MACROD2: variants seen among roughly 807,000 people sequenced by gnomAD.
MACROD2 encodes ADP-ribose glycohydrolase MACROD2.
Under a neutral mutation model 70.4 loss-of-function variants are expected in MACROD2, and 36 were observed. The observed-to-expected ratio is 0.51, with a 90% CI of 0.39 to 0.68. MACROD2 has a LOEUF of 0.68. MACROD2 is among the 30% of genes least tolerant of loss of function. The pLI, the probability that MACROD2 is intolerant of heterozygous loss-of-function variation, is 0.00. For synonymous variants in MACROD2, 172 were observed against 178.8 expected, an observed-to-expected ratio of 0.96 and a Z score of 0.30; for missense variants, 496 against 538.4, an observed-to-expected ratio of 0.92 and a Z score of 0.78.
chr20:15,719,529 C>G (rs1265061217), intron 8 of MACROD2, among the ~76,000 whole-genome samples: 4 of 152,132 alleles, frequency 2.6e-5, no homozygotes, highest in African/African-American at 9.7e-5. Flanking sequence ...CAGAAATGAC[C>G]AATTTTAACT....
intron 8 of MACROD2, among the ~76,000 whole-genome samples, chr20:15,791,897 A>C (rs558561624): frequency 3.9e-5 from 6 of 152,162 alleles, no homozygotes; most frequent in African/African-American, 1.4e-4. Context: ...ACTCCATCCA[A>C]ATTTATTTTT....
chr20:14,583,614 T>C (rs1417841278), intron 4 of MACROD2, among the ~76,000 whole-genome samples: 1 of 152,102 alleles, frequency 6.6e-6, no homozygotes, highest in Non-Finnish European at 1.5e-5. Context: ...CGATGTTAGG[T>C]CAGTAATGTA....
chr20:14,473,389 G>C (rs185927722), intron 3 of MACROD2, among the ~76,000 whole-genome samples: 3 of 152,174 alleles, frequency 2.0e-5, no homozygotes, highest in African/African-American at 7.2e-5. Context: ...TCACATATAC[G>C]TGAGGTCATG....
At chr20:15,008,042 AT>A (rs1423184343) in intron 5 of MACROD2, among the ~76,000 whole-genome samples, 2 of 152,252 alleles carry the variant, frequency 1.3e-5, no homozygotes, top group Non-Finnish European at 2.9e-5. Flanking sequence ...CAAACTCCCT[AT>A]CAAATTCCCC....
chr20:14,478,367 A>C (rs566716063), intron 3 of MACROD2, among the ~76,000 whole-genome samples: 2 of 152,104 alleles, frequency 1.3e-5, no homozygotes, highest in Non-Finnish European at 2.9e-5. Context: ...CTGCTGAGGT[A>C]ATTCTTGAAG....
At chr20:15,222,195 A>G (rs1309116996) in intron 5 of MACROD2, among the ~76,000 whole-genome samples, 1 of 152,228 alleles carries the variant, frequency 6.6e-6, no homozygotes, top group African/African-American at 2.4e-5. Flanking sequence ...AGCTGAAGAA[A>G]TGTATGAGAG....
chr20:14,336,186 C>A (rs948807342), intron 3 of MACROD2, among the ~76,000 whole-genome samples: 1 of 151,872 alleles, frequency 6.6e-6, no homozygotes, highest in Admixed American at 6.6e-5. Flanking sequence ...TTTCTAGTGG[C>A]TTTATTTATG....
chr20:15,668,854 T>G (rs1208880070), intron 8 of MACROD2, among the ~76,000 whole-genome samples: 1 of 152,198 alleles, frequency 6.6e-6, no homozygotes, highest in Non-Finnish European at 1.5e-5. Flanking sequence ...AAATGGTGAT[T>G]CTCTAATTCT....
At chr20:15,102,071 T>C (rs1158542949) in intron 5 of MACROD2, among the ~76,000 whole-genome samples, 2 of 151,974 alleles carry the variant, frequency 1.3e-5, no homozygotes, top group African/African-American at 2.4e-5. Flanking sequence ...AGGCAGAAGA[T>C]ATTTGCAATG....
At chr20:15,285,898 A>G (rs892120319) in intron 6 of MACROD2, among the ~76,000 whole-genome samples, 4 of 151,986 alleles carry the variant, frequency 2.6e-5, no homozygotes, top group African/African-American at 9.7e-5. Context: ...GGGGGGTTGC[A>G]TTTATTCATA....
At position 15,788,790 on chromosome 20, in the gene MACROD2, C is replaced by T. The variant is rs185875447; in HGVS notation, c.646-73955C>T. The stretch of plus-strand genomic sequence containing the variant: ...ACATTAGCTGTTTAAGTTAAAATGA[C>T]AGACCTATAATAAGTAAAGATATTA... On this transcript the variant is annotated intron_variant, in intron 8 of 17. Coordinates refer to ENST00000684519, the MANE Select transcript of MACROD2 (RefSeq NM_001351661.2). Among the ~76,000 whole-genome samples the T allele has an allele frequency of 2.6e-5, 4 of 152,262 alleles. No individual in the cohort carries two copies. In the East Asian group the frequency reaches 7.7e-4, roughly 29 times the overall value.
chr20:15,670,906 G>A (rs1320405428), intron 8 of MACROD2, among the ~76,000 whole-genome samples: 1 of 152,208 alleles, frequency 6.6e-6, no homozygotes, highest in Non-Finnish European at 1.5e-5. Flanking sequence ...TTGGCTATTA[G>A]TTTTATCACT....
At chr20:15,625,283 G>T (rs2049185999) in intron 8 of MACROD2, among the ~76,000 whole-genome samples, 1 of 152,180 alleles carries the variant, frequency 6.6e-6, no homozygotes, top group East Asian at 1.9e-4. Flanking sequence ...GTAGCTAAGG[G>T]ATTCACAGGT....
intron 4 of MACROD2, among the ~76,000 whole-genome samples, chr20:14,574,032 T>C (rs1980398085): frequency 6.6e-6 from 1 of 152,170 alleles, no homozygotes; most frequent in Non-Finnish European, 1.5e-5. Context: ...CACGTGGAGC[T>C]GATCTTCCAA....
rs141031362 is a variant in MACROD2 at position 14,889,558 on chromosome 20, T to A, written c.418+204599T>A. On this transcript the variant is annotated intron_variant, in intron 5 of 17. Transcript: ENST00000684519. ...GATAAAGGAATGAAACAAGCAGATA[T>A]GCTGGGGAAAGATCCTATCCGGCAT... 6.2e-3 allele frequency among the ~76,000 whole-genome samples: 941 copies of A among 152,132 alleles called. 13 individuals are homozygous for A. The highest frequency in any genetic ancestry group is 0.022 in the African/African-American group (907 of 41,514).
At chr20:14,517,619 TGG>T (rs1330836721) in intron 4 of MACROD2, among the ~76,000 whole-genome samples, 1 of 152,130 alleles carries the variant, frequency 6.6e-6, no homozygotes, top group African/African-American at 2.4e-5. Context: ...CAAACCACCA[TGG>T]CATGTGTATA....
intron 15 of MACROD2, among the ~76,000 whole-genome samples, chr20:16,008,245 TA>T (rs1298068384): frequency 1.3e-5 from 2 of 152,224 alleles, no homozygotes. Flanking sequence ...GTTAGTCGTT[TA>T]TCTCGCCTAT....
rs375024846 is a variant in MACROD2, at chr20:15,846,370, G to A, written c.646-16375G>A. On this transcript the variant is annotated intron_variant, in intron 8 of 17. Coordinates refer to ENST00000684519, the MANE Select transcript of MACROD2 (RefSeq NM_001351661.2). ...GGGATGTCACAGACTTTCATTAGTT[G>A]CTTTAATTAGTTCTTTTCAATTGAT... 9.2e-5 allele frequency among the ~76,000 whole-genome samples: 14 copies of A among 152,248 alleles called. No individual in the cohort carries two copies. The East Asian group carries it at 2.7e-3, about 29-fold the overall frequency.
intron 6 of MACROD2, among the ~76,000 whole-genome samples, chr20:15,237,746 A>G (rs1193033039): frequency 6.6e-6 from 1 of 152,020 alleles, no homozygotes; most frequent in East Asian, 1.9e-4. Flanking sequence ...ACCATGTAGA[A>G]CATGCCTAGA....
Sources: allele counts gnomAD v4.1 joint callset (sites outside exome capture counted in the v4.1 genomes callset), GRCh38; gene constraint gnomAD v4.1.1; transcripts MANE v1.5; gene names NCBI Gene and HGNC (gene_info 2026-07-23, HGNC 2026-07-21).